Variants in ARHGEF26 observed in about 807,000 individuals in gnomAD.
ARHGEF26 encodes the protein Rho guanine nucleotide exchange factor (GEF) 26.
A neutral mutation model predicts 89.4 loss-of-function variants in ARHGEF26; 59 were observed. The ratio of observed to expected loss-of-function variants is 0.66; its 90% CI spans 0.54 to 0.82. ARHGEF26 has a LOEUF of 0.82. Ranked by LOEUF, ARHGEF26 falls within the 40% of genes least tolerant of loss-of-function variation. The pLI is 0.00. For missense variants in ARHGEF26, 1,234 were observed against 1,085.6 expected, an observed-to-expected ratio of 1.14 and a Z score of -1.92; for synonymous variants, 500 against 428.4, an observed-to-expected ratio of 1.17 and a Z score of -2.06.
chr3:154,231,226 GCTC>G (rs955021170), intron 11 of ARHGEF26, among the ~76,000 whole-genome samples: 66 of 152,266 alleles, frequency 4.3e-4, no homozygotes, highest in African/African-American at 1.6e-3. Context: ...TTTCCTTTTT[GCTC>G]CTTTTTTTCT....
At chr3:154,192,528 T>G (rs180788354) in intron 8 of ARHGEF26, among the ~76,000 whole-genome samples, 19 of 152,334 alleles carry the variant, frequency 1.2e-4, no homozygotes, top group African/African-American at 4.1e-4. Context: ...TCTCCACCCA[T>G]CACCTGTAAT....
chr3:154,223,526 G>C (rs1408198515), intron 10 of ARHGEF26, among the ~76,000 whole-genome samples: 2 of 152,142 alleles, frequency 1.3e-5, no homozygotes, highest in Non-Finnish European at 2.9e-5. Context: ...AAGGAATAAA[G>C]TTCTTATACA....
At position 154,256,515 on chromosome 3, in the gene ARHGEF26, G is replaced by A. The variant is rs1245251664; in HGVS notation, c.*1042G>A. 1 of 935,098 alleles carries A rather than the reference G, an allele frequency of 1.1e-6. No homozygotes were observed. Among genetic ancestry groups the A allele is most frequent in the Non-Finnish European group, 1.2e-6 (1 of 800,628 alleles). The allele number at this position is 935,098 out of a possible 1,614,324, so 57.9% of individuals were successfully genotyped here. ...CCCCAAGTGCTGGGATTATAGGCAT[G>A]AGCCACCGTGCCCAGCCTACTTTCT... On this transcript the variant is annotated 3_prime_UTR_variant, in exon 15 of 15. Transcript: ENST00000465093.
chr3:154,216,796 G>T (rs1715781771), intron 9 of ARHGEF26, among the ~76,000 whole-genome samples: 1 of 72,416 alleles, frequency 1.4e-5, no homozygotes, highest in Non-Finnish European at 2.6e-5. Context: ...TTGGTTTTTT[G>T]TTCTTGCGAT....
intron 3 of ARHGEF26, among the ~76,000 whole-genome samples, chr3:154,127,167 A>T (rs897564798): frequency 6.6e-6 from 1 of 152,224 alleles, no homozygotes; most frequent in East Asian, 1.9e-4. Flanking sequence ...CTTTACAAAT[A>T]CTGTACATTT....
At chr3:154,151,234 C>T (rs1381856163) in intron 5 of ARHGEF26, among the ~76,000 whole-genome samples, 1 of 152,146 alleles carries the variant, frequency 6.6e-6, no homozygotes, top group Non-Finnish European at 1.5e-5. Flanking sequence ...GACATTATAA[C>T]CCTAAATGGC....
intron 3 of ARHGEF26, among the ~76,000 whole-genome samples, chr3:154,125,953 T>G (rs1718304243): frequency 2.0e-5 from 3 of 152,164 alleles, no homozygotes; most frequent in Admixed American, 6.5e-5. Context: ...TAAGTGATAC[T>G]GAGAAAAACC....
At position 154,247,881 on chromosome 3, in the gene ARHGEF26, G is replaced by A. The variant is rs16823819; in HGVS notation, c.2301-5235G>A. Among the ~76,000 whole-genome samples, 1,177 of 152,290 alleles carry A rather than the reference G, an allele frequency of 7.7e-3. 14 individuals carry two copies. Among genetic ancestry groups the A allele is most frequent in the African/African-American group, 0.028 (1,143 of 41,558 alleles). Reference sequence around the variant, plus strand: ...GAGACAATACTCTGTGAAAAATACAGAAGTCTACCCTTTATAAAAGGACAA... The same window carrying A: ...GAGACAATACTCTGTGAAAAATACAAAAGTCTACCCTTTATAAAAGGACAA... On this transcript the variant is annotated intron_variant, in intron 12 of 14. Coordinates refer to ENST00000465093, the MANE Select transcript of ARHGEF26 (RefSeq NM_015595.4).
At chr3:154,209,464 T>C (rs930111867) in intron 9 of ARHGEF26, among the ~76,000 whole-genome samples, 17 of 152,204 alleles carry the variant, frequency 1.1e-4, no homozygotes, top group Non-Finnish European at 7.3e-5. Flanking sequence ...TGTATCTGCT[T>C]TAGGGGCACC....
intron 9 of ARHGEF26, among the ~76,000 whole-genome samples, chr3:154,213,089 C>CA (rs766484074): frequency 6.6e-6 from 1 of 152,102 alleles, no homozygotes; most frequent in Non-Finnish European, 1.5e-5. Flanking sequence ...AGTAGTATTT[C>CA]AGAGTGTCTA....
chr3:154,132,489 C>T (rs1320167586), intron 4 of ARHGEF26, among the ~76,000 whole-genome samples: 1 of 152,044 alleles, frequency 6.6e-6, no homozygotes, highest in African/African-American at 2.4e-5. Context: ...TATTTTAACA[C>T]CAGAAAGCAG....
At chr3:154,147,887 CT>C (rs1460520301) in intron 4 of ARHGEF26, among the ~76,000 whole-genome samples, 5 of 152,092 alleles carry the variant, frequency 3.3e-5, no homozygotes, top group African/African-American at 7.2e-5. Flanking sequence ...ATTGTCTCTT[CT>C]TTGCTCTCTC....
chr3:154,246,539 T>G (rs946974744), intron 12 of ARHGEF26, among the ~76,000 whole-genome samples: 1 of 152,224 alleles, frequency 6.6e-6, no homozygotes, highest in African/African-American at 2.4e-5. Flanking sequence ...AAATGCTTGG[T>G]CTGCAATGGA....
At chr3:154,138,217 A>G (rs925092582) in intron 4 of ARHGEF26, among the ~76,000 whole-genome samples, 1 of 150,018 alleles carries the variant, frequency 6.7e-6, no homozygotes, top group Non-Finnish European at 1.5e-5. Context: ...TCTCTGTAGA[A>G]AAATGCACAC....
intron 6 of ARHGEF26, among the ~76,000 whole-genome samples, chr3:154,168,222 C>A (rs1712176054): frequency 6.6e-6 from 1 of 152,064 alleles, no homozygotes; most frequent in Non-Finnish European, 1.5e-5. Context: ...GACTTCTGAC[C>A]CATTTTATAG....
chr3:154,215,768 G>A (rs1576789663), intron 9 of ARHGEF26, among the ~76,000 whole-genome samples: 1 of 152,050 alleles, frequency 6.6e-6, no homozygotes, highest in East Asian at 1.9e-4. Context: ...TTCTTATAAG[G>A]GCACTAATCC....
At chr3:154,201,814 A>G (rs1188663047) in intron 9 of ARHGEF26, among the ~76,000 whole-genome samples, 7 of 152,242 alleles carry the variant, frequency 4.6e-5, no homozygotes, top group South Asian at 2.1e-4. Context: ...TTTGAGAAGT[A>G]TCTGTTCATA....
In ARHGEF26 at chr3:154,257,226, A is replaced by C. The variant is rs933938086; in HGVS notation, c.*1753A>C. ...TCTTTTTGACCTGTGCATACCTTCT[A>C]ATTGTAAAATATATTTCAGACCGTG... On this transcript the variant is annotated 3_prime_UTR_variant, in exon 15 of 15. Coordinates refer to ENST00000465093, the MANE Select transcript of ARHGEF26 (RefSeq NM_015595.4). The C allele has an allele frequency of 2.4e-5, 7 of 293,786 alleles. No homozygotes were observed. Among genetic ancestry groups the C allele is most frequent in the African/African-American group, 1.3e-4 (6 of 46,150 alleles). 18.2% of individuals were successfully genotyped at this position (293,786 alleles called of 1,614,324 possible).
intron 9 of ARHGEF26, among the ~76,000 whole-genome samples, chr3:154,195,813 GT>G (rs1714255896): frequency 6.6e-6 from 1 of 152,156 alleles, no homozygotes; most frequent in South Asian, 2.1e-4. Flanking sequence ...AGCTGGGTGA[GT>G]GGATGAGGTT....
Sources: gnomAD v4.1 joint callset for allele counts (sites outside exome capture counted in the v4.1 genomes callset) on GRCh38, gnomAD v4.1.1 for gene constraint, MANE v1.5 for transcripts, NCBI Gene and HGNC (gene_info 2026-07-23, HGNC 2026-07-21) for gene names.